ZBTB20: variants seen among roughly 807,000 people sequenced by gnomAD.
The protein encoded by ZBTB20 is zinc finger and BTB domain-containing protein 20.
In ZBTB20, 9 loss-of-function variants were observed where a neutral mutation model predicts 56.9. That is an observed-to-expected ratio of 0.16 (90% CI 0.10 to 0.28). The LOEUF is 0.28. Ranked by LOEUF, ZBTB20 falls within the 10% of genes least tolerant of loss-of-function variation. The probability of loss-of-function intolerance (pLI) is 1.00; values close to 1 mark genes in which losing one functional copy is unlikely to be tolerated. For missense variants in ZBTB20, 655 were observed against 1,003.0 expected, an observed-to-expected ratio of 0.65 and a Z score of 4.69; for synonymous variants, 417 against 420.7, an observed-to-expected ratio of 0.99 and a Z score of 0.11.
chr3:114,799,275 T>C (rs2071547935), intron 5 of ZBTB20, among the ~76,000 whole-genome samples: 1 of 151,908 alleles, frequency 6.6e-6, no homozygotes, highest in Non-Finnish European at 1.5e-5. Flanking sequence ...GTGTGGGATA[T>C]AAAACACACA....
At chr3:114,870,039 C>T (rs1323282066) in intron 4 of ZBTB20, among the ~76,000 whole-genome samples, 4 of 152,150 alleles carry the variant, frequency 2.6e-5, no homozygotes, top group African/African-American at 4.8e-5. Context: ...AAAGCATGTA[C>T]ATATACGTCA....
intron 2 of ZBTB20, among the ~76,000 whole-genome samples, chr3:115,070,115 T>G (rs2082353985): frequency 6.6e-6 from 1 of 152,144 alleles, no homozygotes; most frequent in Non-Finnish European, 1.5e-5. Context: ...TTTGGTTTAT[T>G]TAAACTCAAT....
chr3:114,424,810 T>C (rs1470275215), intron 7 of ZBTB20, among the ~76,000 whole-genome samples: 1 of 152,196 alleles, frequency 6.6e-6, no homozygotes, highest in African/African-American at 2.4e-5. Context: ...ACATCTTTTG[T>C]ACCATGGCAT....
intron 1 of ZBTB20, among the ~76,000 whole-genome samples, chr3:115,139,317 CAATT>C (rs2084744602): frequency 6.6e-6 from 1 of 151,820 alleles, no homozygotes; most frequent in Admixed American, 6.6e-5. Flanking sequence ...AAGGATGAGT[CAATT>C]AAACAGAAAC....
At chr3:114,889,561 C>T (rs980818484) in intron 4 of ZBTB20, among the ~76,000 whole-genome samples, 1 of 151,818 alleles carries the variant, frequency 6.6e-6, no homozygotes, top group East Asian at 1.9e-4. Context: ...GTGTCAGTAG[C>T]TACAATAATT....
At chr3:114,546,641 G>A (rs541254116) in intron 6 of ZBTB20, among the ~76,000 whole-genome samples, 68 of 151,134 alleles carry the variant, frequency 4.5e-4, no homozygotes, top group Middle Eastern at 3.4e-3. Flanking sequence ...GAAGAAGTCA[G>A]CAAACATTTA....
intron 6 of ZBTB20, among the ~76,000 whole-genome samples, chr3:114,653,998 CTT>C (rs990427677): frequency 4.0e-5 from 6 of 151,778 alleles, no homozygotes; most frequent in African/African-American, 1.4e-4. Flanking sequence ...TGTATCATCT[CTT>C]TTTTCTTGAA....
At chr3:114,862,977 G>T (rs1053711330) in intron 4 of ZBTB20, among the ~76,000 whole-genome samples, 6 of 152,028 alleles carry the variant, frequency 3.9e-5, no homozygotes, top group African/African-American at 1.2e-4. Flanking sequence ...ATAAAGACAA[G>T]GTCCTTATTT....
At chr3:115,109,038 A>G (rs756627303) in intron 1 of ZBTB20, among the ~76,000 whole-genome samples, 43 of 152,198 alleles carry the variant, frequency 2.8e-4, no homozygotes, top group Non-Finnish European at 6.2e-4. Context: ...TGCTAAATCA[A>G]TGGATTACAA....
intron 3 of ZBTB20, among the ~76,000 whole-genome samples, chr3:114,910,705 A>G (rs2075501839): frequency 6.6e-6 from 1 of 151,950 alleles, no homozygotes; most frequent in African/African-American, 2.4e-5. Flanking sequence ...ATGATGCTCA[A>G]AAAAAATAAA....
In ZBTB20 at chr3:114,315,568, A is replaced by AGAGTGTCTGTGT. The variant is rs1553778290; in HGVS notation, c.*23436_*23437insACACAGACACTC. Reference sequence around the variant, plus strand: ...GTGTGTATTTTAGGTCTAAACATACAGTGTGTGTGTGTGTGTGTGTGTGTG... The same window carrying AGAGTGTCTGTGT: ...GTGTGTATTTTAGGTCTAAACATACAGAGTGTCTGTGTGTGTGTGTGTGTGTGTGTGTGTGTG... On this transcript the variant is annotated 3_prime_UTR_variant, in exon 12 of 12. Coordinates refer to ENST00000675478, the MANE Select transcript of ZBTB20 (RefSeq NM_001348800.3). 3 of 147,598 alleles carry AGAGTGTCTGTGT rather than the reference A, an allele frequency of 2.0e-5. No homozygotes were observed. The highest frequency in any genetic ancestry group is 4.5e-5 in the Non-Finnish European group (3 of 67,086). 9.1% of individuals were successfully genotyped at this position (147,598 alleles called of 1,614,324 possible).
chr3:114,972,854 G>GAC lies in ZBTB20; in HGVS notation c.-456+1510_-456+1511dup, dbSNP rs150823537. The stretch of plus-strand genomic sequence containing the variant: ...TTAATTTCTCTCTGTCTCTCTCACA[G>GAC]ACACACACACACACACACATTCACA... On this transcript the variant is annotated intron_variant, in intron 3 of 11. Coordinates refer to ENST00000675478, the MANE Select transcript of ZBTB20 (RefSeq NM_001348800.3). Among the ~76,000 whole-genome samples the GAC allele has an allele frequency of 7.3e-3, 1,094 of 149,548 alleles. 14 individuals are homozygous for GAC. Among genetic ancestry groups the GAC allele is most frequent in the African/African-American group, 0.023 (956 of 40,924 alleles).
rs532243046 is a variant in ZBTB20, at chr3:114,614,131, A to G, written c.-295+79397T>C. Among the ~76,000 whole-genome samples, 11 of 152,294 alleles carry G rather than the reference A, an allele frequency of 7.2e-5. 1 individual carries two copies. In the South Asian group the frequency reaches 2.3e-3, roughly 32 times the overall value. On this transcript the variant is annotated intron_variant, in intron 6 of 11. Coordinates refer to ENST00000675478, the MANE Select transcript of ZBTB20 (RefSeq NM_001348800.3). ...ACTGCCTAAATTCAGGTAACCAACAAAAGAGTTGCCCTGCCTCATCTTGGA... is the reference window on the plus strand; with the variant it reads ...ACTGCCTAAATTCAGGTAACCAACAGAAGAGTTGCCCTGCCTCATCTTGGA...
intron 8 of ZBTB20, among the ~76,000 whole-genome samples, chr3:114,381,417 A>G (rs1335447741): frequency 6.6e-6 from 1 of 152,218 alleles, no homozygotes; most frequent in Non-Finnish European, 1.5e-5. Flanking sequence ...TCCCCAGGAC[A>G]ATGCAACTGA....
At chr3:114,370,561 T>C (rs1385812280) in intron 10 of ZBTB20, among the ~76,000 whole-genome samples, 1 of 152,206 alleles carries the variant, frequency 6.6e-6, no homozygotes, top group Non-Finnish European at 1.5e-5. Context: ...TCTTTTCTTT[T>C]CCTCTATTTA....
chr3:114,859,040 G>T (rs1171032480), intron 4 of ZBTB20, among the ~76,000 whole-genome samples: 1 of 152,040 alleles, frequency 6.6e-6, no homozygotes, highest in African/African-American at 2.4e-5. Flanking sequence ...TAATGCATCT[G>T]ACAGTAAGCC....
chr3:114,505,688 T>C (rs1321810416), intron 6 of ZBTB20, among the ~76,000 whole-genome samples: 2 of 152,178 alleles, frequency 1.3e-5, no homozygotes, highest in East Asian at 1.9e-4. Flanking sequence ...TTAATTCTTA[T>C]GTGGGAGTCA....
At chr3:115,142,005 C>G (rs1386649904) in intron 1 of ZBTB20, among the ~76,000 whole-genome samples, 1 of 152,174 alleles carries the variant, frequency 6.6e-6, no homozygotes, top group Non-Finnish European at 1.5e-5. Context: ...ATTCATTTCA[C>G]AGGTTGGCTG....
At chr3:114,354,651 A>C (rs2081046357) in intron 10 of ZBTB20, among the ~76,000 whole-genome samples, 1 of 138,430 alleles carries the variant, frequency 7.2e-6, no homozygotes, top group Admixed American at 8.3e-5. Flanking sequence ...GCACAATCTC[A>C]GCTCACTGCA....
Sources: gnomAD v4.1 joint callset for allele counts (sites outside exome capture counted in the v4.1 genomes callset) on GRCh38, gnomAD v4.1.1 for gene constraint, MANE v1.5 for transcripts, NCBI Gene and HGNC (gene_info 2026-07-23, HGNC 2026-07-21) for gene names.